Variants in MATN2 observed in about 807,000 individuals in gnomAD.
MATN2 encodes matrilin-2.
A neutral mutation model predicts 103.2 loss-of-function variants in MATN2; 69 were observed. The observed-to-expected ratio is 0.67, with a 90% CI of 0.55 to 0.82. The LOEUF is 0.82. Among genes scored for constraint, MATN2 ranks in the 40% least tolerant of loss-of-function variants. MATN2 has a pLI of 0.00. For missense variants in MATN2, 1,023 were observed against 1,211.5 expected (o/e 0.84, Z 2.31); for synonymous variants, 429 against 450.2 (o/e 0.95, Z 0.60).
chr8:97,925,622 C>T (rs1794254068), intron 2 of MATN2, among the ~76,000 whole-genome samples: 1 of 152,142 alleles, frequency 6.6e-6, no homozygotes, highest in South Asian at 2.1e-4. Flanking sequence ...CGATTATTTT[C>T]TCTTTTGAGT....
chr8:97,970,179 G>A (rs1043904266), intron 5 of MATN2, among the ~76,000 whole-genome samples: 1 of 152,222 alleles, frequency 6.6e-6, no homozygotes, highest in Non-Finnish European at 1.5e-5. Context: ...TTGCAGGCAC[G>A]TTAAGGGGAG....
chr8:97,889,455 C>G (rs951113098), intron 2 of MATN2, among the ~76,000 whole-genome samples: 4 of 29,906 alleles, frequency 1.3e-4, no homozygotes, highest in Non-Finnish European at 2.6e-4. Context: ...CTCTCTCTCT[C>G]TGTCTATATA....
chr8:98,018,258 C>A, intron 12 of MATN2, 142 bp downstream of exon 12: 1 of 1,124,962 alleles, frequency 8.9e-7, no homozygotes, highest in Non-Finnish European at 1.3e-6. Flanking sequence ...AAGTGTTTAG[C>A]TAGAGATCAG....
intron 4 of MATN2, among the ~76,000 whole-genome samples, chr8:97,957,082 G>A (rs148695155): frequency 5.9e-5 from 9 of 152,310 alleles, no homozygotes; most frequent in Non-Finnish European, 1.3e-4. Context: ...ATGCTAGAGC[G>A]GAGCCATGTC....
At chr8:97,960,628 A>G (rs1222467299) in intron 4 of MATN2, among the ~76,000 whole-genome samples, 1 of 152,162 alleles carries the variant, frequency 6.6e-6, no homozygotes, top group African/African-American at 2.4e-5. Context: ...TGTTACCTCT[A>G]CCTAACCTCT....
chr8:98,022,794 T>C (rs1813649776), intron 13 of MATN2, among the ~76,000 whole-genome samples: 1 of 152,190 alleles, frequency 6.6e-6, no homozygotes. Context: ...CTTGGTCAAA[T>C]TATTTAATCT....
chr8:98,004,409 C>G (rs1164794030), intron 8 of MATN2: 1 of 152,678 alleles, frequency 6.5e-6, no homozygotes, highest in Non-Finnish European at 1.5e-5. Flanking sequence ...TCAGACAGGT[C>G]TAATTTCAAA....
intron 7 of MATN2, among the ~76,000 whole-genome samples, chr8:98,002,364 T>C (rs1812818005): frequency 6.6e-6 from 1 of 152,084 alleles, no homozygotes; most frequent in Admixed American, 6.5e-5. Flanking sequence ...AGGCGAAGCA[T>C]TTAGATCCTT....
In MATN2 at chr8:97,963,341, T is replaced by A. The variant is rs566642365; in HGVS notation, c.958+1811T>A. On this transcript the variant is annotated intron_variant, in intron 5 of 18. Transcript: ENST00000254898. ...CAGGAAACAGGATGAGGGTAATGGGTTGATTAGGACAAGGGGAGGGACAGT... is the reference window on the plus strand; with the variant it reads ...CAGGAAACAGGATGAGGGTAATGGGATGATTAGGACAAGGGGAGGGACAGT... Among the ~76,000 whole-genome samples the A allele has an allele frequency of 2.3e-4, 35 of 151,906 alleles. No individual in the cohort carries two copies. In the South Asian group the frequency reaches 7.3e-3, roughly 32 times the overall value.
rs556801718 is a variant in MATN2, at chr8:97,958,455, G to A, written c.836-2953G>A. ...GTAAGAGAGACACAGTACATCCATC[G>A]CTCTATAAACACATACGTAGTTAAC... On this transcript the variant is annotated intron_variant, in intron 4 of 18. Transcript: ENST00000254898. Among the ~76,000 whole-genome samples, 6 of 152,322 alleles carry A rather than the reference G, an allele frequency of 3.9e-5. No individual in the cohort carries two copies. The South Asian group carries it at 6.2e-4, about 16-fold the overall frequency.
chr8:97,967,785 A>T (rs1198734564), intron 5 of MATN2, among the ~76,000 whole-genome samples: 1 of 152,220 alleles, frequency 6.6e-6, no homozygotes, highest in Non-Finnish European at 1.5e-5. Flanking sequence ...TGGCTCTACC[A>T]TTCTCAGGTC....
chr8:97,875,047 C>T (rs10110424), intron 1 of MATN2, among the ~76,000 whole-genome samples: 11,839 of 152,152 alleles, frequency 0.078, 1,264 homozygotes, highest in African/African-American at 0.24. Flanking sequence ...CTCGTGATTA[C>T]ATTGGCCCAC....
chr8:97,937,215 C>T lies in MATN2; in HGVS notation c.713-4562C>T, dbSNP rs147456959. Among the ~76,000 whole-genome samples, 933 of 152,260 alleles carry T rather than the reference C, an allele frequency of 6.1e-3. 5 individuals carry two copies. Among genetic ancestry groups the T allele is most frequent in the African/African-American group, 0.02 (838 of 41,552 alleles). On this transcript the variant is annotated intron_variant, in intron 3 of 18. Coordinates refer to ENST00000254898, the MANE Select transcript of MATN2 (RefSeq NM_002380.5). ...GGAGTGAGACTACCTCAGACCACCA[C>T]GGCAGCTCCCCGATGCAAGGTGTCT... is the stretch of plus-strand genomic sequence containing the variant.
intron 2 of MATN2, among the ~76,000 whole-genome samples, chr8:97,891,458 A>T (rs1051676433): frequency 2.6e-5 from 4 of 152,054 alleles, no homozygotes; most frequent in Non-Finnish European, 5.9e-5. Context: ...CAACCTCAGC[A>T]TCTCAAGTAG....
chr8:98,023,537 G>A (rs1188743408), intron 13 of MATN2, among the ~76,000 whole-genome samples: 1 of 152,140 alleles, frequency 6.6e-6, no homozygotes, highest in East Asian at 1.9e-4. Context: ...TGGTTGTGGT[G>A]GTACGTGGCT....
intron 10 of MATN2, among the ~76,000 whole-genome samples, chr8:98,015,353 CAGTG>C (rs1563727166): frequency 6.6e-6 from 1 of 152,198 alleles, no homozygotes; most frequent in Non-Finnish European, 1.5e-5. Flanking sequence ...CAAAACACTG[CAGTG>C]ACTGCCCTTC....
At chr8:97,958,568 C>T (rs1811211189) in intron 4 of MATN2, among the ~76,000 whole-genome samples, 1 of 152,212 alleles carries the variant, frequency 6.6e-6, no homozygotes, top group African/African-American at 2.4e-5. Flanking sequence ...TTTAAAGGTC[C>T]TCATAGCAAG....
At chr8:97,892,451 C>T (rs1401345009) in intron 2 of MATN2, among the ~76,000 whole-genome samples, 3 of 150,906 alleles carry the variant, frequency 2.0e-5, no homozygotes, top group Non-Finnish European at 4.4e-5. Context: ...AGAGTAGCAC[C>T]GTTTTACAGT....
At chr8:97,984,248 T>G (rs1189157740) in intron 6 of MATN2, among the ~76,000 whole-genome samples, 1 of 152,212 alleles carries the variant, frequency 6.6e-6, no homozygotes, top group Non-Finnish European at 1.5e-5. Context: ...CATTCCACTT[T>G]GTATAGCTCT....
Sources: allele counts gnomAD v4.1 joint callset (sites outside exome capture counted in the v4.1 genomes callset), GRCh38; gene constraint gnomAD v4.1.1; transcripts MANE v1.5; gene names NCBI Gene and HGNC (gene_info 2026-07-23, HGNC 2026-07-21).